PPARA: variants seen among roughly 807,000 people sequenced by gnomAD.
PPARA encodes the protein peroxisome proliferator-activated receptor alpha.
PPARA carries 22 observed loss-of-function variants against 42.2 expected under a neutral mutation model. The observed-to-expected ratio is 0.52, with a 90% confidence interval of 0.37 to 0.74. The LOEUF is 0.74. Among genes scored for constraint, PPARA ranks in the 30% least tolerant of loss-of-function variants. The pLI is 0.00. For synonymous variants in PPARA, 242 were observed against 239.3 expected, an observed-to-expected ratio of 1.01 and a Z score of -0.10; for missense variants, 465 against 608.2, an observed-to-expected ratio of 0.76 and a Z score of 2.48.
rs889746703 is a variant in PPARA at position 46,183,554 on chromosome 22, C to G, written c.-43+6718C>G. On this transcript the variant is annotated intron_variant, in intron 3 of 8. Transcript: ENST00000407236. The surrounding 1 kb of genome is among the most constrained non-coding windows in gnomAD (Gnocchi z 5.5). ...TTCAGGAGTTTGAGACCAGCCTGGG[C>G]AACATGGCGAAACCCTGTCTATACA... Among the ~76,000 whole-genome samples the G allele has an allele frequency of 6.6e-6, 1 of 152,140 alleles. No individual in the cohort carries two copies. The highest frequency in any genetic ancestry group is 1.5e-5 in the Non-Finnish European group (1 of 68,026).
rs1383971079 is a variant in PPARA, at chr22:46,222,494, T to C, written c.711+2480T>C. On this transcript the variant is annotated intron_variant, in intron 7 of 8. Transcript: ENST00000407236. This position sits in a 1 kb window ranked among gnomAD's most constrained non-coding sequence, Gnocchi z 5.9. Reference sequence around the variant, plus strand: ...CCTCTTCTTTACTGAGTCCTTTAATTCTTCAGTGAATTCTCCAATTAAATA... The same window carrying C: ...CCTCTTCTTTACTGAGTCCTTTAATCCTTCAGTGAATTCTCCAATTAAATA... Among the ~76,000 whole-genome samples, 1 of 152,222 alleles carries C rather than the reference T, an allele frequency of 6.6e-6. No individual in the cohort carries two copies. The highest frequency in any genetic ancestry group is 1.5e-5 in the Non-Finnish European group (1 of 68,040).
chr22:46,235,424 G>C lies in PPARA; in HGVS notation c.*44G>C. 6.2e-7 allele frequency: 1 copy of C among 1,606,890 alleles called. No individual in the cohort carries two copies. The highest frequency in any genetic ancestry group is 1.1e-5 in the South Asian group (1 of 89,956). On this transcript the variant is annotated 3_prime_UTR_variant, in exon 9 of 9. Transcript: ENST00000407236. This position sits in a 1 kb window ranked among gnomAD's most constrained non-coding sequence, Gnocchi z 7.0. ...CACCTTTTCCAGGAGTTCTGAAGCT[G>C]ACAGCACTACAAAGGAGACGGGGGA...
Position 46,198,818 on chromosome 22 carries a change from G to A in PPARA, c.208+227G>A, listed in dbSNP as rs374673658. The stretch of plus-strand genomic sequence containing the variant: ...TGGGACTACAGGTGCCCGCCACCAC[G>A]CCCAGCTAATTTTTGTATTTTTAAT... On this transcript the variant is annotated intron_variant, in intron 4 of 8. Transcript: ENST00000407236. 5.5e-4 allele frequency among the ~76,000 whole-genome samples: 84 copies of A among 151,916 alleles called. No individual in the cohort carries two copies. In the East Asian group the frequency reaches 8.9e-3, roughly 16 times the overall value.
chr22:46,152,169 C>T (rs1228149185), intron 2 of PPARA, among the ~76,000 whole-genome samples, 199 bp downstream of exon 2: 5 of 129,638 alleles, frequency 3.9e-5, no homozygotes, highest in East Asian at 4.7e-4. Flanking sequence ...GACGGAGTCT[C>T]GCTCTGCCGC....
rs1025385192 is a variant in PPARA, at chr22:46,162,021, G to A, written c.-127+10051G>A. 2.0e-5 allele frequency among the ~76,000 whole-genome samples: 3 copies of A among 152,066 alleles called. No homozygotes were observed. The highest frequency in any genetic ancestry group is 1.9e-4 in the East Asian group (1 of 5,176). On this transcript the variant is annotated intron_variant, in intron 2 of 8. Coordinates refer to ENST00000407236, the MANE Select transcript of PPARA (RefSeq NM_005036.6). The surrounding 1 kb of genome is among the most constrained non-coding windows in gnomAD (Gnocchi z 6.0). ...CGTTTTCCCCTCCCCTCACCCTGGC[G>A]ACCCTTTTCGGTCTCAGTTGCCAGC... is the stretch of plus-strand genomic sequence containing the variant.
chr22:46,174,430 G>A (rs1343860531), intron 2 of PPARA, among the ~76,000 whole-genome samples: 2 of 151,958 alleles, frequency 1.3e-5, no homozygotes, highest in African/African-American at 2.4e-5. Context: ...AAAAGAGACA[G>A]TTTCTATGTT....
rs1359791846 is a variant in PPARA, at chr22:46,241,740, G to A, written c.*6360G>A. 1 of 152,098 alleles carries A rather than the reference G, an allele frequency of 6.6e-6. No homozygotes were observed. Among genetic ancestry groups the A allele is most frequent in the African/African-American group, 2.4e-5 (1 of 41,416 alleles). The allele number at this position is 152,098 out of a possible 1,614,324, so 9.4% of individuals were successfully genotyped here. On this transcript the variant is annotated 3_prime_UTR_variant, in exon 9 of 9. Transcript: ENST00000407236. The surrounding 1 kb of genome is among the most constrained non-coding windows in gnomAD (Gnocchi z 5.7). Reference sequence around the variant, plus strand: ...GAAACCCTTTTGTGAGGGGAGAGGAGCTATGGTATGTGGTTCAGCTGAAAC... The same window carrying A: ...GAAACCCTTTTGTGAGGGGAGAGGAACTATGGTATGTGGTTCAGCTGAAAC...
At position 46,219,954 on chromosome 22, in the gene PPARA, C is replaced by A; in HGVS notation, c.651C>A (p.Asn217Lys). 6.2e-7 allele frequency: 1 copy of A among 1,614,230 alleles called. No individual in the cohort carries two copies. Among genetic ancestry groups the A allele is most frequent in the South Asian group, 1.1e-5 (1 of 91,088 alleles). ...AKRIYEAYLK[N>K]FNMNKVKARV... Reference sequence around the variant, plus strand: ...GAATCTACGAGGCCTACTTGAAGAACTTCAACATGAACAAGGTCAAAGCCC... The same window carrying A: ...GAATCTACGAGGCCTACTTGAAGAAATTCAACATGAACAAGGTCAAAGCCC... Residue 217 changes from asparagine to lysine, a missense_variant, in exon 7 of 9, where the codon AAC (asparagine) becomes AAA (lysine). Physicochemically the swap from Asn to Lys is moderately conservative, Grantham distance 94 (BLOSUM62 0). Coordinates refer to ENST00000407236, the MANE Select transcript of PPARA (RefSeq NM_005036.6). The surrounding 1 kb of genome is among the most constrained non-coding windows in gnomAD (Gnocchi z 4.8).
chr22:46,194,837 G>C (rs1042608824), intron 3 of PPARA, among the ~76,000 whole-genome samples: 4 of 149,576 alleles, frequency 2.7e-5, no homozygotes, highest in African/African-American at 9.8e-5. Context: ...GCCTCCCAAA[G>C]TGCTGGGATT....
Position 46,196,743 on chromosome 22 carries a change from G to A in PPARA, c.-42-1599G>A, listed in dbSNP as rs1310298465. On this transcript the variant is annotated intron_variant, in intron 3 of 8. Coordinates refer to ENST00000407236, the MANE Select transcript of PPARA (RefSeq NM_005036.6). This position sits in a 1 kb window ranked among gnomAD's most constrained non-coding sequence, Gnocchi z 5.6. ...TTAGTTGTTGTTGTTGCTGTTTTGA[G>A]GTGGAGTCTTGCTTTGTCGCCCAGG... Among the ~76,000 whole-genome samples the A allele has an allele frequency of 1.3e-5, 2 of 152,182 alleles. No homozygotes were observed. Among genetic ancestry groups the A allele is most frequent in the Non-Finnish European group, 2.9e-5 (2 of 68,044 alleles).
rs1936240495 is a variant in PPARA, at chr22:46,237,092, G to T, written c.*1712G>T. ...CCAGGGAGTCGCTGGGCACCTGGAG[G>T]TATCGTCGATGCCTCTCCCCCATCT... On this transcript the variant is annotated 3_prime_UTR_variant, in exon 9 of 9. Transcript: ENST00000407236. The surrounding 1 kb of genome is among the most constrained non-coding windows in gnomAD (Gnocchi z 6.7). 6.6e-6 allele frequency: 1 copy of T among 152,056 alleles called. No homozygotes were observed. The highest frequency in any genetic ancestry group is 2.4e-5 in the African/African-American group (1 of 41,404). 9.4% of individuals were successfully genotyped at this position (152,056 alleles called of 1,614,324 possible).
intron 6 of PPARA, among the ~76,000 whole-genome samples, chr22:46,218,933 G>A (rs1385525520): frequency 6.6e-6 from 1 of 151,716 alleles, no homozygotes; most frequent in Non-Finnish European, 1.5e-5. Flanking sequence ...AGGCCGAGGC[G>A]GGTGGATCAC....
chr22:46,220,275 A>AACCTTAAT, intron 7 of PPARA: 1 of 500,494 alleles, frequency 2.0e-6, no homozygotes, highest in East Asian at 3.9e-5. Flanking sequence ...ACTTAAAAAA[A>AACCTTAAT]ACCTTAATAG....
At position 46,211,009 on chromosome 22, in the gene PPARA, G is replaced by C. The variant is rs1933874254; in HGVS notation, c.209-4164G>C. Among the ~76,000 whole-genome samples the C allele has an allele frequency of 6.6e-6, 1 of 152,126 alleles. No individual in the cohort carries two copies. Among genetic ancestry groups the C allele is most frequent in the South Asian group, 2.1e-4 (1 of 4,820 alleles). ...CTTCAGTGATCTTCCACTGTGGGAG[G>C]CGAGAGCAGGACTATATCCAGCTCC... On this transcript the variant is annotated intron_variant, in intron 4 of 8. Coordinates refer to ENST00000407236, the MANE Select transcript of PPARA (RefSeq NM_005036.6). This position sits in a 1 kb window ranked among gnomAD's most constrained non-coding sequence, Gnocchi z 4.1.
Position 46,226,170 on chromosome 22 carries a change from T to C in PPARA, c.712-5622T>C, listed in dbSNP as rs111149254. ...ACAAGCATGCACACATATATATATA[T>C]ACACATGCTCACACGCATACCCACA... On this transcript the variant is annotated intron_variant, in intron 7 of 8. Transcript: ENST00000407236. 7.3e-3 allele frequency among the ~76,000 whole-genome samples: 1,058 copies of C among 144,494 alleles called. 9 individuals are homozygous for C. The highest frequency in any genetic ancestry group is 0.023 in the African/African-American group (850 of 36,466). 94.8% of individuals were successfully genotyped at this position (144,494 alleles called of 152,430 possible).
intron 4 of PPARA, among the ~76,000 whole-genome samples, 158 bp downstream of exon 4, chr22:46,198,749 C>T (rs1932656977): frequency 6.6e-6 from 1 of 150,774 alleles, no homozygotes; most frequent in African/African-American, 2.4e-5. Flanking sequence ...CAGGCTCCAC[C>T]TCCTGGGTTC....
In PPARA at chr22:46,193,427, T is replaced by C. The variant is rs574999397; in HGVS notation, c.-42-4915T>C. Among the ~76,000 whole-genome samples, 2 of 152,274 alleles carry C rather than the reference T, an allele frequency of 1.3e-5. 1 individual carries two copies. Among genetic ancestry groups the C allele is most frequent in the African/African-American group, 4.8e-5 (2 of 41,560 alleles). ...AATAACTTAATGGTATATTTTTAAA[T>C]AACTTAAAGAGTATAATTGGATTGT... On this transcript the variant is annotated intron_variant, in intron 3 of 8. Coordinates refer to ENST00000407236, the MANE Select transcript of PPARA (RefSeq NM_005036.6). This position sits in a 1 kb window ranked among gnomAD's most constrained non-coding sequence, Gnocchi z 5.3.
Position 46,235,474 on chromosome 22 carries a change from C to T in PPARA, c.*94C>T. 1 of 1,503,080 alleles carries T rather than the reference C, an allele frequency of 6.7e-7. No individual in the cohort carries two copies. 93.1% of individuals were successfully genotyped at this position (1,503,080 alleles called of 1,614,324 possible). ...AGCAGCACGATTTTGCACAAATATC[C>T]ACCACTTTAACCTTAGAGCTTGGAC... On this transcript the variant is annotated 3_prime_UTR_variant, in exon 9 of 9. Coordinates refer to ENST00000407236, the MANE Select transcript of PPARA (RefSeq NM_005036.6). This position sits in a 1 kb window ranked among gnomAD's most constrained non-coding sequence, Gnocchi z 7.0.
Position 46,170,927 on chromosome 22 carries a change from C to T in PPARA, c.-126-5826C>T, listed in dbSNP as rs201489878. On this transcript the variant is annotated intron_variant, in intron 2 of 8. Coordinates refer to ENST00000407236, the MANE Select transcript of PPARA (RefSeq NM_005036.6). ...CTGTAATCCCAGCACTTTGGGAGGC[C>T]GAGACAGCAGATCACCTGAGGTCAG... is the stretch of plus-strand genomic sequence containing the variant. 1.3e-4 allele frequency among the ~76,000 whole-genome samples: 19 copies of T among 151,718 alleles called. No homozygotes were observed. In the East Asian group the frequency reaches 3.1e-3, roughly 25 times the overall value.
Sources: gnomAD v4.1 joint callset for allele counts (sites outside exome capture counted in the v4.1 genomes callset) on GRCh38, gnomAD v4.1.1 for gene constraint, Gnocchi (gnomAD v3.1) non-coding constraint, MANE v1.5 for transcripts, NCBI Gene and HGNC (gene_info 2026-07-23, HGNC 2026-07-21) for gene names.